Variants in CLOCK observed in about 807,000 individuals in gnomAD.
CLOCK encodes circadian locomoter output cycles protein kaput.
Under a neutral mutation model 118.4 loss-of-function variants are expected in CLOCK, and 43 were observed. The ratio of observed to expected loss-of-function variants is 0.36; its 90% confidence interval spans 0.28 to 0.47. The LOEUF (loss-of-function observed/expected upper bound fraction) is 0.47. Among genes scored for constraint, CLOCK ranks in the 20% least tolerant of loss-of-function variants. CLOCK has a pLI of 1.00. For missense variants in CLOCK, 846 were observed against 999.9 expected (o/e 0.85, Z 2.08); for synonymous variants, 326 against 339.2 (o/e 0.96, Z 0.43).
chr4:55,468,283 T>TA (rs1725874409), intron 8 of CLOCK, among the ~76,000 whole-genome samples: 1 of 152,184 alleles, frequency 6.6e-6, no homozygotes, highest in South Asian at 2.1e-4. Flanking sequence ...GAGTAGTTTA[T>TA]AAGTAACTTT....
chr4:55,537,372 A>G (rs1373861602), intron 1 of CLOCK, among the ~76,000 whole-genome samples: 1 of 152,142 alleles, frequency 6.6e-6, no homozygotes, highest in African/African-American at 2.4e-5. Context: ...TAATCCTAGC[A>G]CTTTGGGAGG....
chr4:55,473,235 AAAG>A (rs1329047460), intron 7 of CLOCK, among the ~76,000 whole-genome samples: 5 of 152,144 alleles, frequency 3.3e-5, no homozygotes, highest in Non-Finnish European at 7.4e-5. Context: ...AAAAAAAAAA[AAAG>A]AAGACAAGTG....
At chr4:55,539,345 G>A (rs527278054) in intron 1 of CLOCK, among the ~76,000 whole-genome samples, 46 of 152,152 alleles carry the variant, frequency 3.0e-4, no homozygotes, top group African/African-American at 1.0e-3. Flanking sequence ...AGGCCAAGGT[G>A]GGGGGATCTC....
At position 55,455,925 on chromosome 4, in the gene CLOCK, T is replaced by C. The variant is rs148034569; in HGVS notation, c.954A>G (p.Leu318=). ...SGYDYYHVDD[L]ENLAKCHEHL... ...GCTCATGACATTTTGCCAAATTTTC[T>C]AGGTCATCCACATGATAGTAATCAT... The change falls in exon 13 of 23, where the codon CTA becomes CTG. Residue 318 remains leucine (L), a synonymous_variant. Transcript: ENST00000513440. 3 of 1,613,706 alleles carry C rather than the reference T, an allele frequency of 1.9e-6. No individual in the cohort carries two copies. In the East Asian group the frequency reaches 6.7e-5, roughly 36 times the overall value.
At chr4:55,470,853 T>G (rs1401475871) in intron 7 of CLOCK, 47 bp from the exon 8 acceptor site, 4 of 1,335,630 alleles carry the variant, frequency 3.0e-6, no homozygotes, top group African/African-American at 1.5e-5. Context: ...AAAAAGTATT[T>G]TGCAGGACAG....
intron 2 of CLOCK, among the ~76,000 whole-genome samples, chr4:55,497,892 C>A (rs893012108): frequency 6.6e-6 from 1 of 151,650 alleles, no homozygotes; most frequent in African/African-American, 2.4e-5. Flanking sequence ...ATGAATTAAA[C>A]CCCAGACTTT....
chr4:55,499,707 TCTATCCTCCG>T (rs1459076980), intron 2 of CLOCK, among the ~76,000 whole-genome samples: 7 of 152,226 alleles, frequency 4.6e-5, no homozygotes, highest in Admixed American at 6.5e-5. Context: ...GCTGCTTAAA[TCTATCCTCCG>T]CATGCATCTC....
chr4:55,435,305 C>A lies in CLOCK; in HGVS notation c.*110G>T. The A allele has an allele frequency of 7.9e-7, 1 of 1,270,850 alleles. No homozygotes were observed. The highest frequency in any genetic ancestry group is 1.1e-6 in the Non-Finnish European group (1 of 876,364). The allele number at this position is 1,270,850 out of a possible 1,614,324, so 78.7% of individuals were successfully genotyped here. ...ATTCCAGGAACTAGAACACTCAATA[C>A]TGCATCTCATGAAACTGCTGGAACT... is the stretch of plus-strand genomic sequence containing the variant. On this transcript the variant is annotated 3_prime_UTR_variant, in exon 23 of 23. Coordinates refer to ENST00000513440, the MANE Select transcript of CLOCK (RefSeq NM_004898.4).
chr4:55,469,296 T>C (rs562105087), intron 8 of CLOCK, among the ~76,000 whole-genome samples: 14 of 152,286 alleles, frequency 9.2e-5, no homozygotes, highest in African/African-American at 3.4e-4. Flanking sequence ...GGTCTCTCCA[T>C]GTTGGTCAGG....
chr4:55,450,208 G>A lies in CLOCK; in HGVS notation c.1231C>T (p.Arg411Cys). ...DKSQDSGSDN[R>C]INTVSLKEAL... Reference sequence around the variant, plus strand: ...TCCTTGAGACTGACTGTGTTTATACGATTATCTGACCCAGAATCTTGGCTC... The same window carrying A: ...TCCTTGAGACTGACTGTGTTTATACAATTATCTGACCCAGAATCTTGGCTC... Residue 411 changes from arginine (R) to cysteine (C), a missense_variant, in exon 16 of 23, where the codon CGT becomes TGT. This residue lies in a region of CLOCK where 520 missense variants were observed against 558.0 expected (regional missense o/e 0.93). Coordinates refer to ENST00000513440, the MANE Select transcript of CLOCK (RefSeq NM_004898.4). 7 of 1,613,890 alleles carry A rather than the reference G, an allele frequency of 4.3e-6. No individual in the cohort carries two copies. Among genetic ancestry groups the A allele is most frequent in the Non-Finnish European group, 5.9e-6 (7 of 1,179,912 alleles).
chr4:55,458,594 A>C (rs1725083308), intron 11 of CLOCK, among the ~76,000 whole-genome samples: 1 of 152,208 alleles, frequency 6.6e-6, no homozygotes. Flanking sequence ...CCAAAAACCT[A>C]GATTTTTGGA....
intron 3 of CLOCK, among the ~76,000 whole-genome samples, chr4:55,487,058 A>G (rs1011680997): frequency 3.3e-5 from 5 of 151,840 alleles, no homozygotes; most frequent in Non-Finnish European, 5.9e-5. Flanking sequence ...TCTACTTTCA[A>G]TAGATTTTAT....
intron 1 of CLOCK, among the ~76,000 whole-genome samples, chr4:55,511,237 T>G (rs1729127824): frequency 6.6e-6 from 1 of 152,170 alleles, no homozygotes; most frequent in Non-Finnish European, 1.5e-5. Context: ...ATATATTTAT[T>G]CAATCCTCAC....
chr4:55,501,626 G>A (rs1349776544), intron 2 of CLOCK: 1 of 152,112 alleles, frequency 6.6e-6, no homozygotes, highest in Non-Finnish European at 1.5e-5. Flanking sequence ...AGTGAGAAGA[G>A]GGTGAAAGAG....
chr4:55,501,002 C>A (rs561336264), intron 2 of CLOCK, among the ~76,000 whole-genome samples: 12 of 152,178 alleles, frequency 7.9e-5, no homozygotes, highest in Admixed American at 2.0e-4. Flanking sequence ...CAGGCATGCA[C>A]CACCATGCCT....
At chr4:55,452,061 C>T (rs567846442) in intron 15 of CLOCK, among the ~76,000 whole-genome samples, 1 of 152,108 alleles carries the variant, frequency 6.6e-6, no homozygotes, top group African/African-American at 2.4e-5. Context: ...CTGTGGTAGG[C>T]AATTTCTGAC....
chr4:55,496,685 T>C (rs2109972395), intron 2 of CLOCK, among the ~76,000 whole-genome samples: 1 of 152,328 alleles, frequency 6.6e-6, no homozygotes, highest in Non-Finnish European at 1.5e-5. Context: ...AGATTATTTA[T>C]CACATTCCAA....
In CLOCK at chr4:55,429,915, C is replaced by T. The variant is rs536785195; in HGVS notation, c.*5500G>A. 9.2e-5 allele frequency: 14 copies of T among 152,292 alleles called. No homozygotes were observed. Among genetic ancestry groups the T allele is most frequent in the African/African-American group, 3.4e-4 (14 of 41,546 alleles). 9.4% of individuals were successfully genotyped at this position (152,292 alleles called of 1,614,324 possible). On this transcript the variant is annotated 3_prime_UTR_variant, in exon 23 of 23. Transcript: ENST00000513440. ...CGTCCTGAAGTAAAGTAGATTCAGA[C>T]TGTCCGTAAAGATTATCATGAGAGT...
Position 55,455,796 on chromosome 4 carries a change from T to G in CLOCK, c.982+101A>C, listed in dbSNP as rs1030519647. 10 of 882,508 alleles carry G rather than the reference T, an allele frequency of 1.1e-5. No individual in the cohort carries two copies. In the African/African-American group the frequency reaches 1.5e-4, roughly 13 times the overall value. 54.7% of individuals were successfully genotyped at this position (882,508 alleles called of 1,614,324 possible). A position where few individuals can be genotyped will look rare whatever the true frequency, so the allele number is the denominator to read the frequency against. On this transcript the variant is annotated intron_variant, in intron 13 of 22. Coordinates refer to ENST00000513440, the MANE Select transcript of CLOCK (RefSeq NM_004898.4). ...AATCTTTTAGCATATTTCAAAAATA[T>G]GAAAATGATTATAAATCTGTGTCTT...
Sources: gnomAD v4.1 joint callset for allele counts (sites outside exome capture counted in the v4.1 genomes callset) on GRCh38, gnomAD v4.1.1 for gene constraint, gnomAD v4.1.1 regional missense constraint, MANE v1.5 for transcripts, NCBI Gene and HGNC (gene_info 2026-07-23, HGNC 2026-07-21) for gene names.